Variants in PALM2AKAP2 observed in about 807,000 individuals in gnomAD.
PALM2AKAP2 encodes the protein PALM2 and AKAP2 fusion, also known as PALM2-AKAP2 fusion protein.
In PALM2AKAP2, 37 loss-of-function variants were observed where a neutral mutation model predicts 71.5. The observed-to-expected ratio is 0.52, with a 90% CI of 0.40 to 0.68. The LOEUF (loss-of-function observed/expected upper bound fraction) is 0.68. Among genes scored for constraint, PALM2AKAP2 ranks in the 30% least tolerant of loss-of-function variants. The pLI is 0.00. For missense variants in PALM2AKAP2, 1,224 were observed against 1,191.8 expected, an observed-to-expected ratio of 1.03 and a Z score of -0.40; for synonymous variants, 468 against 478.8, an observed-to-expected ratio of 0.98 and a Z score of 0.29.
chr9:109,875,200 C>G (rs1037038988), intron 2 of PALM2AKAP2, among the ~76,000 whole-genome samples: 5 of 152,192 alleles, frequency 3.3e-5, no homozygotes, highest in African/African-American at 1.2e-4. Flanking sequence ...CAGGCTGGTA[C>G]ATTTGCCAGT....
intron 1 of PALM2AKAP2, among the ~76,000 whole-genome samples, chr9:110,056,094 C>T (rs193286812): frequency 3.3e-5 from 5 of 152,340 alleles, no homozygotes; most frequent in Admixed American, 6.5e-5. Context: ...CCCCTCTTCC[C>T]GCCCAACAGT....
intron 1 of PALM2AKAP2, among the ~76,000 whole-genome samples, chr9:109,727,309 A>G (rs896776930): frequency 1.3e-5 from 2 of 152,056 alleles, no homozygotes; most frequent in Non-Finnish European, 2.9e-5. Context: ...TTTGGGAGGG[A>G]ATTTTATATT....
intron 1 of PALM2AKAP2, among the ~76,000 whole-genome samples, chr9:109,774,792 A>G (rs996197096): frequency 1.1e-4 from 17 of 152,234 alleles, no homozygotes; most frequent in Middle Eastern, 3.2e-3. Context: ...AGCACCTACC[A>G]TGGCCAATCA....
At chr9:110,074,618 C>G (rs1038073248) in intron 1 of PALM2AKAP2, among the ~76,000 whole-genome samples, 10 of 152,150 alleles carry the variant, frequency 6.6e-5, no homozygotes, top group Non-Finnish European at 1.5e-4. Context: ...CAAAAAGACT[C>G]CAATAGTTCA....
rs564652329 is a variant in PALM2AKAP2 at position 109,739,949 on chromosome 9, C to T, written c.6-40539C>T. On this transcript the variant is annotated intron_variant, in intron 1 of 6. Coordinates refer to the PALM2AKAP2 transcript ENST00000374531. ...CATCTTAAGGTCTTGTCAAAGCTGG[C>T]CACGTAGGCCTTTGAAAATATCATA... Among the ~76,000 whole-genome samples, 11 of 152,318 alleles carry T rather than the reference C, an allele frequency of 7.2e-5. 1 individual carries two copies. In the East Asian group the frequency reaches 2.1e-3, roughly 29 times the overall value.
intron 1 of PALM2AKAP2, among the ~76,000 whole-genome samples, chr9:110,063,439 A>ATTTTTTT (rs35944774): frequency 7.6e-6 from 1 of 131,230 alleles, no homozygotes. Context: ...CCAAATTTCT[A>ATTTTTTT]TTTTTTTTTT....
At chr9:109,831,314 C>T (rs971721395) in intron 1 of PALM2AKAP2, among the ~76,000 whole-genome samples, 18 of 152,242 alleles carry the variant, frequency 1.2e-4, no homozygotes, top group African/African-American at 4.3e-4. Flanking sequence ...GAGTACTCCC[C>T]ACCAGGGTCC....
chr9:110,157,635 A>G (rs559937582), intron 3 of PALM2AKAP2, among the ~76,000 whole-genome samples: 6 of 152,236 alleles, frequency 3.9e-5, no homozygotes, highest in Admixed American at 3.3e-4. Context: ...CCTGAGCTCA[A>G]GGGATACTCC....
intron 6 of PALM2AKAP2, among the ~76,000 whole-genome samples, chr9:109,974,336 C>T (rs1832128616): frequency 6.6e-6 from 1 of 152,198 alleles, no homozygotes; most frequent in African/African-American, 2.4e-5. Flanking sequence ...AAACCAGTGG[C>T]TGTGTGGCAG....
chr9:110,075,185 T>TTACATGTAGTTCATCCCTACTCTTC, intron 1 of PALM2AKAP2, among the ~76,000 whole-genome samples: 1 of 152,088 alleles, frequency 6.6e-6, no homozygotes, highest in African/African-American at 2.4e-5. Flanking sequence ...CCCTACTCTT[T>TTACATGTAGTTCATCCCTACTCTTC]TACCTGTAGT....
At chr9:109,982,096 A>C (rs1389404947) in intron 6 of PALM2AKAP2, among the ~76,000 whole-genome samples, 1 of 152,268 alleles carries the variant, frequency 6.6e-6, no homozygotes, top group African/African-American at 2.4e-5. Flanking sequence ...GTACGTGTAC[A>C]CAATGGAGTA....
At chr9:109,748,112 G>C (rs183004540) in intron 1 of PALM2AKAP2, among the ~76,000 whole-genome samples, 1 of 152,296 alleles carries the variant, frequency 6.6e-6, no homozygotes, top group East Asian at 1.9e-4. Context: ...TGTATGTTTG[G>C]TTTATTCTAG....
chr9:109,807,509 C>CTA lies in PALM2AKAP2; in HGVS notation c.45+26986_45+26987dup, dbSNP rs528307797. ...TTTCCTGGTTCATAGATGGAACCTT[C>CTA]TATATATATATGTTCACATGGTGGA... On this transcript the variant is annotated intron_variant, in intron 1 of 9. Coordinates refer to the PALM2AKAP2 transcript ENST00000302798. Among the ~76,000 whole-genome samples, 150 of 148,968 alleles carry CTA rather than the reference C, an allele frequency of 1.0e-3. 1 individual carries two copies. Among genetic ancestry groups the CTA allele is most frequent in the African/African-American group, 3.2e-3 (131 of 40,522 alleles).
intron 1 of PALM2AKAP2, among the ~76,000 whole-genome samples, chr9:109,670,483 T>G (rs189620727): frequency 4.9e-4 from 75 of 152,284 alleles, no homozygotes; most frequent in Admixed American, 1.1e-3. Flanking sequence ...TATCCCATGG[T>G]GTATCTGTAA....
intron 1 of PALM2AKAP2, among the ~76,000 whole-genome samples, chr9:109,744,206 T>C (rs1828762970): frequency 1.3e-5 from 2 of 152,162 alleles, no homozygotes; most frequent in South Asian, 2.1e-4. Flanking sequence ...AAGCTATCCA[T>C]GTGATAGGAG....
At position 110,098,958 on chromosome 9, in the gene PALM2AKAP2, A is replaced by G. The variant is rs76619320; in HGVS notation, c.157-37169A>G. ...TCCCCCAGCTCTGGATATAAAACACATATTTTTCAGTTAGATTTTTTCAGT... is the reference window on the plus strand; with the variant it reads ...TCCCCCAGCTCTGGATATAAAACACGTATTTTTCAGTTAGATTTTTTCAGT... On this transcript the variant is annotated intron_variant, in intron 1 of 3. Coordinates refer to ENST00000374525, the Ensembl canonical transcript of PALM2AKAP2. Among the ~76,000 whole-genome samples, 932 of 152,228 alleles carry G rather than the reference A, an allele frequency of 6.1e-3. 9 individuals are homozygous for G. The highest frequency in any genetic ancestry group is 0.021 in the African/African-American group (889 of 41,508).
intron 1 of PALM2AKAP2, 54 bp from the exon 8 acceptor site, chr9:110,136,073 C>T (rs1835855993): frequency 2.0e-6 from 3 of 1,511,998 alleles, no homozygotes; most frequent in African/African-American, 1.4e-5. Flanking sequence ...TCAGCATTCA[C>T]ATCCATAAGA....
chr9:109,998,695 C>CT (rs1244537276), intron 6 of PALM2AKAP2, among the ~76,000 whole-genome samples: 1 of 146,686 alleles, frequency 6.8e-6, no homozygotes, highest in African/African-American at 2.6e-5. Context: ...TGAGCTCAGG[C>CT]ATTCAAGGCT....
chr9:109,683,931 G>GA (rs929340748), intron 1 of PALM2AKAP2, among the ~76,000 whole-genome samples: 2 of 151,784 alleles, frequency 1.3e-5, no homozygotes, highest in Admixed American at 1.3e-4. Context: ...TTTTACAGTT[G>GA]AAAAAAATGA....
Sources: gnomAD v4.1 joint callset for allele counts (sites outside exome capture counted in the v4.1 genomes callset) on GRCh38, gnomAD v4.1.1 for gene constraint, MANE v1.5 for transcripts, NCBI Gene and HGNC (gene_info 2026-07-23, HGNC 2026-07-21) for gene names.